Variants in SS18L1 observed in about 807,000 individuals in gnomAD.
SS18L1 encodes the protein SS18L1 subunit of BAF chromatin remodeling complex, also known as calcium-responsive transactivator.
A neutral mutation model predicts 70.3 loss-of-function variants in SS18L1; 32 were observed. That is an observed-to-expected ratio of 0.46 (90% CI 0.34 to 0.61). The LOEUF (loss-of-function observed/expected upper bound fraction) is 0.61, where lower values mean the gene tolerates loss of function less well. Ranked by LOEUF, SS18L1 falls within the 20% of genes least tolerant of loss-of-function variation. The probability of loss-of-function intolerance (pLI) is 0.01; values close to 1 mark genes in which losing one functional copy is unlikely to be tolerated. For missense variants in SS18L1, 430 were observed against 542.1 expected, an observed-to-expected ratio of 0.79 and a Z score of 2.05; for synonymous variants, 237 against 229.7, an observed-to-expected ratio of 1.03 and a Z score of -0.29.
At chr20:62,160,411 G>A (rs1205622028) in intron 3 of SS18L1, among the ~76,000 whole-genome samples, 1 of 148,644 alleles carries the variant, frequency 6.7e-6, no homozygotes, top group Non-Finnish European at 1.5e-5. Flanking sequence ...ATGGGGAGAG[G>A]TGGGATGGGG....
Position 62,158,625 on chromosome 20 carries a change from C to A in SS18L1, c.70-47C>A. ...AGCGATGGCTGTTCATCCCGAGGGT[C>A]AGCGACAGCCCCGCGTCGGCAGCGC... On this transcript the variant is annotated intron_variant, in intron 1 of 10. Transcript: ENST00000331758. The surrounding 1 kb of genome is among the most constrained non-coding windows in gnomAD (Gnocchi z 4.5). 6.2e-7 allele frequency: 1 copy of A among 1,601,312 alleles called. No individual in the cohort carries two copies. Among genetic ancestry groups the A allele is most frequent in the South Asian group, 1.1e-5 (1 of 90,380 alleles).
At chr20:62,175,015 A>G (rs976770102) in intron 10 of SS18L1, 5 of 819,946 alleles carry the variant, frequency 6.1e-6, no homozygotes, top group Non-Finnish European at 7.4e-6. Flanking sequence ...ACAGAGACAT[A>G]AGGTGGTCCC....
chr20:62,149,210 G>A (rs945410205), intron 1 of SS18L1, among the ~76,000 whole-genome samples: 1 of 152,244 alleles, frequency 6.6e-6, no homozygotes, highest in African/African-American at 2.4e-5. Flanking sequence ...AGCAGTTAGC[G>A]GGCTGGCGCT....
In SS18L1 at chr20:62,158,329, G is replaced by A. The variant is rs958867790; in HGVS notation, c.70-343G>A. Among the ~76,000 whole-genome samples the A allele has an allele frequency of 5.3e-5, 8 of 151,708 alleles. No homozygotes were observed. Among genetic ancestry groups the A allele is most frequent in the Non-Finnish European group, 1.2e-4 (8 of 67,976 alleles). On this transcript the variant is annotated intron_variant, in intron 1 of 10. Coordinates refer to ENST00000331758, the MANE Select transcript of SS18L1 (RefSeq NM_198935.3). This position sits in a 1 kb window ranked among gnomAD's most constrained non-coding sequence, Gnocchi z 4.5. ...GAGGTGTGAATGTTCGGTCTGTGGT[G>A]GCTGAGGCAATGCACGTAACGACAG...
At chr20:62,157,669 C>T (rs1239781811) in intron 1 of SS18L1, among the ~76,000 whole-genome samples, 3 of 152,220 alleles carry the variant, frequency 2.0e-5, no homozygotes, top group Non-Finnish European at 4.4e-5. Context: ...AGGGTCATGA[C>T]CTTGTCTGTG....
At chr20:62,175,027 C>A in intron 10 of SS18L1, 1 of 771,618 alleles carries the variant, frequency 1.3e-6, no homozygotes, top group Non-Finnish European at 1.6e-6. Flanking sequence ...GGTGGTCCCA[C>A]AGGGCCAGAC....
rs6062126 is a variant in SS18L1 at position 62,178,957 on chromosome 20, G to A, written c.1165-225G>A. Among the ~76,000 whole-genome samples the A allele has an allele frequency of 0.12, 18,202 of 152,270 alleles. 3,493 individuals carry two copies. The highest frequency in any genetic ancestry group is 0.4 in the African/African-American group (16,806 of 41,502). On this transcript the variant is annotated intron_variant, in intron 10 of 10. Coordinates refer to ENST00000331758, the MANE Select transcript of SS18L1 (RefSeq NM_198935.3). ...GGCCTGGCACAGGCCCGGCCGCAGC[G>A]ATGCCAGTGTGTGACTGAACAAATG...
chr20:62,161,368 G>T lies in SS18L1; in HGVS notation c.232-68G>T. The T allele has an allele frequency of 1.2e-6, 2 of 1,610,920 alleles. No homozygotes were observed. Among genetic ancestry groups the T allele is most frequent in the East Asian group, 2.2e-5 (1 of 44,810 alleles). ...AATCTCGGGTGCCCTCTCATCCCTG[G>T]CCTGGCTTGTGGAGGTCGCTCTCCG... On this transcript the variant is annotated intron_variant, in intron 3 of 10. Transcript: ENST00000331758. The surrounding 1 kb of genome is among the most constrained non-coding windows in gnomAD (Gnocchi z 4.4).
At position 62,161,715 on chromosome 20, in the gene SS18L1, C is replaced by A; in HGVS notation, c.376+135C>A. 1.5e-6 allele frequency: 2 copies of A among 1,340,038 alleles called. No individual in the cohort carries two copies. The highest frequency in any genetic ancestry group is 2.0e-6 in the Non-Finnish European group (2 of 1,006,776). The allele number at this position is 1,340,038 out of a possible 1,614,324, so 83.0% of individuals were successfully genotyped here. ...GGACCCACTCCTCCTGGGGTAGCCA[C>A]AGGTCGGCTGCCATCGCCCAGGCTC... On this transcript the variant is annotated intron_variant, in intron 4 of 10. Transcript: ENST00000331758. The surrounding 1 kb of genome is among the most constrained non-coding windows in gnomAD (Gnocchi z 4.4).
rs1223815786 is a variant in SS18L1 at position 62,174,281 on chromosome 20, G to A, written c.1037-236G>A. Among the ~76,000 whole-genome samples, 1 of 152,038 alleles carries A rather than the reference G, an allele frequency of 6.6e-6. No homozygotes were observed. Among genetic ancestry groups the A allele is most frequent in the Non-Finnish European group, 1.5e-5 (1 of 67,996 alleles). On this transcript the variant is annotated intron_variant, in intron 9 of 10. Transcript: ENST00000331758. The surrounding 1 kb of genome is among the most constrained non-coding windows in gnomAD (Gnocchi z 4.1). The stretch of plus-strand genomic sequence containing the variant: ...GTGGGGGGCCTGGGGCACAGTCCTG[G>A]GACCTCACAGGACTGGAGGGGCTGG...
intron 8 of SS18L1, among the ~76,000 whole-genome samples, chr20:62,167,743 A>G (rs1429387733): frequency 6.6e-6 from 1 of 151,936 alleles, no homozygotes; most frequent in Non-Finnish European, 1.5e-5. Context: ...GCGTCTGCCC[A>G]AGGCTGCCAC....
At chr20:62,171,956 A>T (rs1005131241) in intron 8 of SS18L1, among the ~76,000 whole-genome samples, 1 of 152,160 alleles carries the variant, frequency 6.6e-6, no homozygotes, top group African/African-American at 2.4e-5. Context: ...AGGTCAGGAG[A>T]TCGAGACCAT....
At chr20:62,167,088 G>T (rs1416570805) in intron 8 of SS18L1, among the ~76,000 whole-genome samples, 1 of 119,368 alleles carries the variant, frequency 8.4e-6, no homozygotes, top group Non-Finnish European at 1.6e-5. Context: ...CTCTGTCGCC[G>T]AGGCTGGAGT....
intron 1 of SS18L1, among the ~76,000 whole-genome samples, chr20:62,148,833 A>G (rs1332899297): frequency 6.6e-6 from 1 of 152,224 alleles, no homozygotes. Flanking sequence ...CTGGAGGGTG[A>G]GGACGCATTT....
At chr20:62,145,049 A>C (rs574112794) in intron 1 of SS18L1, among the ~76,000 whole-genome samples, 1 of 152,256 alleles carries the variant, frequency 6.6e-6, no homozygotes, top group Non-Finnish European at 1.5e-5. Context: ...CTAGTTTTAG[A>C]AATTTGATGG....
chr20:62,167,475 C>T (rs1178904377), intron 8 of SS18L1, among the ~76,000 whole-genome samples: 1 of 151,544 alleles, frequency 6.6e-6, no homozygotes, highest in Admixed American at 6.6e-5. Flanking sequence ...GTGGGAGAAT[C>T]GCTTGAACCC....
intron 6 of SS18L1, 129 bp downstream of exon 6, chr20:62,163,751 C>G: frequency 2.3e-6 from 3 of 1,294,058 alleles, no homozygotes; most frequent in South Asian, 1.5e-5. Flanking sequence ...TGAGGCTTGG[C>G]GCCTTGGTGT....
At position 62,154,507 on chromosome 20, in the gene SS18L1, A is replaced by G. The variant is rs977369790; in HGVS notation, c.70-4165A>G. On this transcript the variant is annotated intron_variant, in intron 1 of 10. Transcript: ENST00000331758. ...TCCAGAGCCTCCCTCAGGCCAGGCC[A>G]TCGGCCCCCCAGAGGTCTCCGTTGG... is the stretch of plus-strand genomic sequence containing the variant. The G allele has an allele frequency of 1.6e-5, 16 of 1,018,708 alleles. No homozygotes were observed. In the African/African-American group the frequency reaches 2.1e-4, roughly 13 times the overall value. The allele number at this position is 1,018,708 out of a possible 1,614,324, so 63.1% of individuals were successfully genotyped here.
chr20:62,170,335 C>T (rs1377987681), intron 8 of SS18L1, among the ~76,000 whole-genome samples: 1 of 152,194 alleles, frequency 6.6e-6, no homozygotes, highest in Non-Finnish European at 1.5e-5. Flanking sequence ...GAAACCCCGT[C>T]TCTACTAAAA....
Sources: gnomAD v4.1 joint callset for allele counts (sites outside exome capture counted in the v4.1 genomes callset) on GRCh38, gnomAD v4.1.1 for gene constraint, Gnocchi (gnomAD v3.1) non-coding constraint, MANE v1.5 for transcripts, NCBI Gene and HGNC (gene_info 2026-07-23, HGNC 2026-07-21) for gene names.